The following SEC24D variants were observed in gnomAD, a reference collection of about 807,000 sequenced individuals.
The protein encoded by SEC24D is protein transport protein Sec24D.
SEC24D carries 69 observed loss-of-function variants against 116.9 expected under a neutral mutation model. The ratio of observed to expected loss-of-function variants is 0.59; its 90% CI spans 0.49 to 0.72. The LOEUF is 0.72. Among genes scored for constraint, SEC24D ranks in the 30% least tolerant of loss-of-function variants. The pLI, the probability that SEC24D is intolerant of heterozygous loss-of-function variation, is 0.00. For synonymous variants in SEC24D, 405 were observed against 442.8 expected (o/e 0.91, Z 1.07); for missense variants, 1,131 against 1,264.1 (o/e 0.89, Z 1.60).
chr4:118,815,063 G>C lies in SEC24D; in HGVS notation c.766C>G (p.Gln256Glu). The C allele has an allele frequency of 6.2e-7, 1 of 1,614,154 alleles. No individual in the cohort carries two copies. Among genetic ancestry groups the C allele is most frequent in the Non-Finnish European group, 8.5e-7 (1 of 1,180,026 alleles). The stretch of plus-strand genomic sequence containing the variant: ...ATAGAGTCAGGATCCAGCTTCTTCT[G>C]GGGCTGTGGCGGACCAGCCATCTGT... ...PAQMAGPPQP[Q>E]KKLDPDSIPS... Residue 256 changes from glutamine (Q) to glutamate (E), a missense_variant, in exon 6 of 23, where the codon CAG (glutamine) becomes GAG (glutamate). Gln to Glu is a conservative substitution (Grantham distance 29, BLOSUM62 2). Transcript: ENST00000280551.
intron 6 of SEC24D, among the ~76,000 whole-genome samples, chr4:118,811,588 G>T (rs1459446482): frequency 1.3e-5 from 2 of 152,208 alleles, no homozygotes; most frequent in Non-Finnish European, 2.9e-5. Flanking sequence ...AAGGTTCCCT[G>T]AGAAAGAGGA....
chr4:118,780,083 G>A (rs1168581913), intron 8 of SEC24D, among the ~76,000 whole-genome samples: 2 of 151,998 alleles, frequency 1.3e-5, no homozygotes, highest in African/African-American at 2.4e-5. Flanking sequence ...TTTGAAGGGT[G>A]TTTCGTTTCT....
intron 7 of SEC24D, among the ~76,000 whole-genome samples, chr4:118,802,135 A>G (rs988084805): frequency 6.6e-6 from 1 of 152,200 alleles, no homozygotes; most frequent in Admixed American, 6.5e-5. Flanking sequence ...AAACAGAAGA[A>G]GGGAGACAAT....
intron 10 of SEC24D, among the ~76,000 whole-genome samples, chr4:118,764,157 T>C (rs759554775): frequency 4.7e-4 from 71 of 152,272 alleles, no homozygotes; most frequent in African/African-American, 9.6e-4. Flanking sequence ...GCTGAGGTGA[T>C]AGTTTGGGGG....
chr4:118,801,845 G>A (rs1365503566), intron 7 of SEC24D, among the ~76,000 whole-genome samples: 1 of 152,166 alleles, frequency 6.6e-6, no homozygotes, highest in Non-Finnish European at 1.5e-5. Flanking sequence ...TACAACAGTG[G>A]GGCATAAAAG....
intron 8 of SEC24D, among the ~76,000 whole-genome samples, chr4:118,782,891 G>A (rs138553765): frequency 2.6e-5 from 4 of 152,334 alleles, no homozygotes; most frequent in African/African-American, 7.2e-5. Context: ...GACTCCTTGG[G>A]TGTGGGACCC....
intron 21 of SEC24D, 154 bp from the exon 22 acceptor site, chr4:118,728,804 C>A (rs1725538084): frequency 3.8e-6 from 2 of 522,020 alleles, no homozygotes; most frequent in Non-Finnish European, 6.7e-6. Flanking sequence ...GGAAAATGCA[C>A]TAAAAATTAT....
chr4:118,818,161 A>C (rs1347387723), intron 3 of SEC24D, among the ~76,000 whole-genome samples: 2 of 152,242 alleles, frequency 1.3e-5, no homozygotes, highest in Non-Finnish European at 2.9e-5. Context: ...CAATGTGCCT[A>C]GCATGGTTAA....
chr4:118,738,159 C>T, intron 19 of SEC24D, 102 bp downstream of exon 19: 1 of 781,366 alleles, frequency 1.3e-6, no homozygotes, highest in East Asian at 2.5e-5. Context: ...ACTGTAACAG[C>T]ATCTAAGTGC....
chr4:118,833,822 T>C (rs1730978785), intron 1 of SEC24D, 85 bp from the exon 2 acceptor site: 1 of 633,496 alleles, frequency 1.6e-6, no homozygotes, highest in Non-Finnish European at 2.7e-6. Context: ...TTATTACATG[T>C]TTATGATGGT....
chr4:118,778,351 T>G (rs1236706972), intron 8 of SEC24D, among the ~76,000 whole-genome samples: 1 of 152,244 alleles, frequency 6.6e-6, no homozygotes, highest in Non-Finnish European at 1.5e-5. Flanking sequence ...CAGCACCATT[T>G]ATTAAACAGG....
intron 2 of SEC24D, among the ~76,000 whole-genome samples, chr4:118,830,102 G>GAGCTGGAGTAATTT (rs1730781214): frequency 1.3e-5 from 2 of 152,198 alleles, no homozygotes; most frequent in Non-Finnish European, 1.5e-5. Context: ...GTAATTTAGT[G>GAGCTGGAGTAATTT]AAAGTCTTAA....
intron 8 of SEC24D, among the ~76,000 whole-genome samples, chr4:118,780,772 T>C (rs1335557484): frequency 1.3e-5 from 2 of 149,280 alleles, no homozygotes; most frequent in Non-Finnish European, 1.5e-5. Context: ...TGCTCCTGCA[T>C]TGGATGCATA....
At chr4:118,745,084 A>C in intron 13 of SEC24D, 24 bp from the exon 14 acceptor site, 1 of 1,340,892 alleles carries the variant, frequency 7.5e-7, no homozygotes, top group Non-Finnish European at 1.0e-6. Flanking sequence ...AAAACCCAAA[A>C]ACCCACAGAA....
At chr4:118,788,765 A>T (rs1193682956) in intron 8 of SEC24D, among the ~76,000 whole-genome samples, 2 of 152,258 alleles carry the variant, frequency 1.3e-5, no homozygotes, top group African/African-American at 4.8e-5. Flanking sequence ...CATGTTTATC[A>T]GTAGACCCAA....
chr4:118,790,027 A>G (rs1728827791), intron 8 of SEC24D, among the ~76,000 whole-genome samples: 1 of 152,206 alleles, frequency 6.6e-6, no homozygotes, highest in African/African-American at 2.4e-5. Flanking sequence ...AGTTAGCTGC[A>G]TTCGTGAAAA....
intron 14 of SEC24D, 23 bp downstream of exon 14, chr4:118,744,921 A>T (rs758071479): frequency 6.2e-5 from 78 of 1,263,136 alleles, no homozygotes; most frequent in Non-Finnish European, 9.0e-5. Flanking sequence ...TGACATATGG[A>T]TACTCAAAGA....
intron 13 of SEC24D, among the ~76,000 whole-genome samples, chr4:118,746,434 G>A (rs1258898014): frequency 6.6e-6 from 1 of 152,052 alleles, no homozygotes; most frequent in Non-Finnish European, 1.5e-5. Flanking sequence ...ACTACTGTTT[G>A]CATTTTAAGA....
chr4:118,833,014 G>GC (rs1204674513), intron 2 of SEC24D, among the ~76,000 whole-genome samples: 1 of 152,150 alleles, frequency 6.6e-6, no homozygotes, highest in East Asian at 1.9e-4. Flanking sequence ...ACTGTGTGTG[G>GC]CTGCTAACAT....
Sources: gnomAD v4.1 joint callset for allele counts (sites outside exome capture counted in the v4.1 genomes callset) on GRCh38, gnomAD v4.1.1 for gene constraint, MANE v1.5 for transcripts, NCBI Gene and HGNC (gene_info 2026-07-23, HGNC 2026-07-21) for gene names.